Variants in HEMK2 observed in about 807,000 individuals in gnomAD.
HEMK2 encodes the protein HemK methyltransferase 2, ETF1 glutamine and histone H4 lysine.
the HEMK2 span, among the ~76,000 whole-genome samples, chr21:28,660,887 G>A: frequency 4.0e-4 from 61 of 152,170 alleles, no homozygotes; most frequent in Non-Finnish European, 7.5e-4. Flanking sequence ...ATCTTTGAAC[G>A]AAGTATTCAA....
chr21:28,690,027 A>G, the HEMK2 span, among the ~76,000 whole-genome samples: 1 of 152,170 alleles, frequency 6.6e-6, no homozygotes, highest in African/African-American at 2.4e-5. Context: ...ACTGACAATC[A>G]TGGCAGAAGG....
At chr21:28,600,869 T>C in the HEMK2 span, among the ~76,000 whole-genome samples, 1 of 152,202 alleles carries the variant, frequency 6.6e-6, no homozygotes, top group African/African-American at 2.4e-5. Flanking sequence ...ATGCCACCAG[T>C]CTCTTTGCTA....
At chr21:28,721,897 C>A in the HEMK2 span, among the ~76,000 whole-genome samples, 16 of 134,104 alleles carry the variant, frequency 1.2e-4, no homozygotes, top group Non-Finnish European at 2.2e-4. Flanking sequence ...ACATTCTTAA[C>A]CATCACACAC....
chr21:28,691,166 C>A, the HEMK2 span, among the ~76,000 whole-genome samples: 8 of 152,144 alleles, frequency 5.3e-5, no homozygotes, highest in Admixed American at 5.2e-4. Flanking sequence ...TCACTTCTTT[C>A]TCATTCATTC....
chr21:28,601,537 G>A, the HEMK2 span, among the ~76,000 whole-genome samples: 30 of 151,232 alleles, frequency 2.0e-4, no homozygotes, highest in Non-Finnish European at 2.8e-4. Context: ...CCACTTCACC[G>A]CCTGGCAATT....
the HEMK2 span, among the ~76,000 whole-genome samples, chr21:28,647,733 C>A: frequency 0.21 from 32,451 of 152,018 alleles, 3,794 homozygotes; most frequent in East Asian, 0.38. Context: ...GAATGGACAC[C>A]ACAACCATAC....
At chr21:28,766,285 C>T in the HEMK2 span, among the ~76,000 whole-genome samples, 2 of 151,444 alleles carry the variant, frequency 1.3e-5, no homozygotes, top group South Asian at 4.2e-4. Flanking sequence ...GACATGTACC[C>T]TAGAACTTAA....
chr21:28,601,805 G>A, the HEMK2 span, among the ~76,000 whole-genome samples: 20 of 152,256 alleles, frequency 1.3e-4, no homozygotes, highest in East Asian at 3.7e-3. Context: ...ATGAATGAGT[G>A]AATGAATGAA....
chr21:28,761,272 T>A, the HEMK2 span, among the ~76,000 whole-genome samples: 11 of 152,046 alleles, frequency 7.2e-5, no homozygotes, highest in Non-Finnish European at 1.2e-4. Flanking sequence ...GCGAAAAAAA[T>A]ATATATATGC....
chr21:28,629,369 G>T, the HEMK2 span, among the ~76,000 whole-genome samples: 2 of 152,174 alleles, frequency 1.3e-5, no homozygotes, highest in Non-Finnish European at 2.9e-5. Flanking sequence ...TAGGTTTAGC[G>T]TGGTCACGCA....
the HEMK2 span, among the ~76,000 whole-genome samples, chr21:28,600,442 G>A: frequency 6.6e-6 from 1 of 152,310 alleles, no homozygotes; most frequent in Middle Eastern, 3.4e-3. Context: ...TGGGACACAG[G>A]GCACAAAGTC....
chr21:28,686,376 T>G, the HEMK2 span, among the ~76,000 whole-genome samples: 1 of 151,850 alleles, frequency 6.6e-6, no homozygotes, highest in Non-Finnish European at 1.5e-5. Context: ...CTGGGATTAC[T>G]GGCACCCACC....
At chr21:28,663,553 C>T in the HEMK2 span, among the ~76,000 whole-genome samples, 8 of 152,242 alleles carry the variant, frequency 5.3e-5, no homozygotes, top group Non-Finnish European at 1.0e-4. Flanking sequence ...TGGACCTCAA[C>T]TATCCCATCA....
the HEMK2 span, among the ~76,000 whole-genome samples, chr21:28,832,381 T>C: frequency 6.6e-6 from 1 of 152,232 alleles, no homozygotes. Context: ...CTTCTTGTTC[T>C]TCTCTCTACC....
the HEMK2 span, among the ~76,000 whole-genome samples, chr21:28,830,587 T>G: frequency 2.3e-4 from 35 of 152,168 alleles, no homozygotes; most frequent in Non-Finnish European, 3.5e-4. Flanking sequence ...TAAAAAAATG[T>G]ATGGATGGAG....
At chr21:28,873,818 G>T in the HEMK2 span, 1 of 152,150 alleles carries the variant, frequency 6.6e-6, no homozygotes, top group South Asian at 2.1e-4. Flanking sequence ...ATTAAATCAT[G>T]ATTGCGTCTC....
chr21:28,733,215 C>CT, the HEMK2 span, among the ~76,000 whole-genome samples: 23 of 152,218 alleles, frequency 1.5e-4, no homozygotes, highest in East Asian at 4.4e-3. Context: ...GGAGGCGGAG[C>CT]TTGCAGTGAG....
At chr21:28,841,362 T>TAA in the HEMK2 span, among the ~76,000 whole-genome samples, 8 of 16,658 alleles carry the variant, frequency 4.8e-4, 3 homozygotes, top group East Asian at 0.016. Context: ...ATATTATATA[T>TAA]TATATAAAAT....
At chr21:28,782,385 G>T in the HEMK2 span, among the ~76,000 whole-genome samples, 2 of 152,128 alleles carry the variant, frequency 1.3e-5, no homozygotes, top group South Asian at 2.1e-4. Context: ...TATCTTCAGG[G>T]AACAATCAAG....
Sources: allele counts gnomAD v4.1 joint callset (sites outside exome capture counted in the v4.1 genomes callset), GRCh38; gene constraint gnomAD v4.1.1; transcripts MANE v1.5; gene names NCBI Gene and HGNC (gene_info 2026-07-23, HGNC 2026-07-21).